Variants in ERC2 observed in about 807,000 individuals in gnomAD.
ERC2 encodes the protein ELKS/RAB6-interacting/CAST family member 2, also known as ERC protein 2.
In ERC2, 42 loss-of-function variants were observed where a neutral mutation model predicts 114.8. The observed-to-expected ratio is 0.37, with a 90% CI of 0.29 to 0.47. The LOEUF (loss-of-function observed/expected upper bound fraction) is 0.47, where lower values mean the gene tolerates loss of function less well. Among genes scored for constraint, ERC2 ranks in the 20% least tolerant of loss-of-function variants. The pLI is 0.99. For missense variants in ERC2, 939 were observed against 1,150.7 expected (o/e 0.82, Z 2.66); for synonymous variants, 454 against 425.5 (o/e 1.07, Z -0.82).
At chr3:55,603,799 C>T (rs373511265) in intron 17 of ERC2, among the ~76,000 whole-genome samples, 1 of 152,090 alleles carries the variant, frequency 6.6e-6, no homozygotes, top group Non-Finnish European at 1.5e-5. Flanking sequence ...CTGCTTTATA[C>T]ACAAATCACA....
intron 15 of ERC2, among the ~76,000 whole-genome samples, chr3:55,713,041 A>G (rs2063855561): frequency 6.7e-6 from 1 of 150,360 alleles, no homozygotes; most frequent in Admixed American, 6.6e-5. Context: ...TGCAATGCTA[A>G]TGCTCTAATT....
rs71096498 is a variant in ERC2 at position 55,729,837 on chromosome 3, C to CAAAAA, written c.2712+4929_2712+4933dup. ...AGGGTAATGCAGTGAGACTCTATCGCAAAAAAAAAAAAAAAAAAAAAAAAA... is the reference window on the plus strand; with the variant it reads ...AGGGTAATGCAGTGAGACTCTATCGCAAAAAAAAAAAAAAAAAAAAAAAAAAAAAA... On this transcript the variant is annotated intron_variant, in intron 15 of 17. Transcript: ENST00000288221. Among the ~76,000 whole-genome samples, 156 of 61,630 alleles carry CAAAAA rather than the reference C, an allele frequency of 2.5e-3. 42 individuals carry two copies. Among genetic ancestry groups the CAAAAA allele is most frequent in the Admixed American group, 3.7e-3 (13 of 3,524 alleles). The allele number at this position is 61,630 out of a possible 152,430, so 40.4% of individuals were successfully genotyped here. A position where few individuals can be genotyped will look rare whatever the true frequency, so the allele number is the denominator to read the frequency against.
intron 12 of ERC2, among the ~76,000 whole-genome samples, chr3:55,956,062 C>T (rs2067932895): frequency 6.6e-6 from 1 of 152,192 alleles, no homozygotes; most frequent in African/African-American, 2.4e-5. Context: ...CTCTTTCACT[C>T]TTAGCTTACA....
intron 14 of ERC2, among the ~76,000 whole-genome samples, chr3:55,817,615 G>A (rs2059954709): frequency 6.6e-6 from 1 of 152,264 alleles, no homozygotes; most frequent in Non-Finnish European, 1.5e-5. Flanking sequence ...GCACTAATGT[G>A]TAGGGGTTAT....
At chr3:55,628,431 T>C (rs1410842134) in intron 17 of ERC2, among the ~76,000 whole-genome samples, 3 of 152,258 alleles carry the variant, frequency 2.0e-5, no homozygotes, top group Non-Finnish European at 4.4e-5. Context: ...ATGATATACA[T>C]AGGGTCTTTT....
chr3:55,747,083 C>T (rs757750089), intron 14 of ERC2, among the ~76,000 whole-genome samples: 6 of 151,752 alleles, frequency 4.0e-5, no homozygotes, highest in Non-Finnish European at 8.8e-5. Context: ...AGAAAAGGTA[C>T]CAGAAAGAAT....
Position 56,208,151 on chromosome 3 carries a change from T to C in ERC2, c.1075-34631A>G, listed in dbSNP as rs919735233. ...AACTGACGCATCTTCAACCAGATTT[T>C]CCAATCATTCTTCCTGGGACATAAG... On this transcript the variant is annotated intron_variant, in intron 3 of 17. Transcript: ENST00000288221. Among the ~76,000 whole-genome samples, 7 of 152,188 alleles carry C rather than the reference T, an allele frequency of 4.6e-5. No individual in the cohort carries two copies. The South Asian group carries it at 1.2e-3, about 27-fold the overall frequency.
At chr3:56,116,493 T>A (rs569781529) in intron 6 of ERC2, among the ~76,000 whole-genome samples, 11 of 152,332 alleles carry the variant, frequency 7.2e-5, no homozygotes, top group South Asian at 2.1e-4. Flanking sequence ...AACAGGTGTA[T>A]GTGCATTGGG....
At chr3:55,738,917 C>T (rs1349524888) in intron 14 of ERC2, among the ~76,000 whole-genome samples, 1 of 152,142 alleles carries the variant, frequency 6.6e-6, no homozygotes, top group African/African-American at 2.4e-5. Flanking sequence ...ACTAGCCCAC[C>T]AACCCCTGAC....
chr3:56,301,029 A>G (rs1278372955), intron 2 of ERC2, among the ~76,000 whole-genome samples: 1 of 152,220 alleles, frequency 6.6e-6, no homozygotes, highest in East Asian at 1.9e-4. Flanking sequence ...ATGGGAGATC[A>G]CTTGAGGCCA....
chr3:55,811,998 C>T (rs887401003), intron 14 of ERC2, among the ~76,000 whole-genome samples: 4 of 152,168 alleles, frequency 2.6e-5, no homozygotes, highest in Non-Finnish European at 5.9e-5. Flanking sequence ...AGCTGCTCAT[C>T]CTGATGCTCT....
intron 3 of ERC2, among the ~76,000 whole-genome samples, chr3:56,219,185 A>G (rs1300100791): frequency 2.6e-5 from 4 of 152,186 alleles, no homozygotes; most frequent in Admixed American, 1.3e-4. Context: ...TACCGTGTAC[A>G]CTGCTTGGGT....
At chr3:55,630,361 G>A (rs1246112213) in intron 17 of ERC2, among the ~76,000 whole-genome samples, 1 of 152,042 alleles carries the variant, frequency 6.6e-6, no homozygotes, top group Non-Finnish European at 1.5e-5. Flanking sequence ...TAGAGACGGG[G>A]TTTCTCCATG....
chr3:56,028,794 C>T (rs748632580), intron 7 of ERC2, among the ~76,000 whole-genome samples: 1 of 151,970 alleles, frequency 6.6e-6, no homozygotes, highest in Non-Finnish European at 1.5e-5. Flanking sequence ...AAGGATGACA[C>T]TTTTTTCTTT....
At chr3:56,065,966 GAT>G (rs1465873485) in intron 7 of ERC2, among the ~76,000 whole-genome samples, 1 of 152,122 alleles carries the variant, frequency 6.6e-6, no homozygotes, top group Non-Finnish European at 1.5e-5. Flanking sequence ...CATTTGGGTT[GAT>G]TCCATGTCTT....
intron 16 of ERC2, among the ~76,000 whole-genome samples, chr3:55,686,897 G>C (rs2062363032): frequency 6.6e-6 from 1 of 152,196 alleles, no homozygotes; most frequent in African/African-American, 2.4e-5. Flanking sequence ...TCATCTGCAT[G>C]CTTTTGTTCA....
chr3:55,972,202 G>A (rs1295755656), intron 12 of ERC2, among the ~76,000 whole-genome samples: 4 of 152,096 alleles, frequency 2.6e-5, no homozygotes, highest in Non-Finnish European at 5.9e-5. Context: ...ACCATTCAAA[G>A]TTTAGTGAAA....
chr3:55,735,692 A>G (rs2148925335), intron 14 of ERC2, among the ~76,000 whole-genome samples: 2 of 152,264 alleles, frequency 1.3e-5, no homozygotes, highest in Middle Eastern at 6.8e-3. Context: ...CATTCAAACT[A>G]TAGCACCAAG....
chr3:56,314,821 C>T (rs2056787418), intron 2 of ERC2, among the ~76,000 whole-genome samples: 1 of 152,148 alleles, frequency 6.6e-6, no homozygotes, highest in Non-Finnish European at 1.5e-5. Context: ...TCTGAAGTCA[C>T]AACAGAAATG....
Sources: allele counts gnomAD v4.1 joint callset (sites outside exome capture counted in the v4.1 genomes callset), GRCh38; gene constraint gnomAD v4.1.1; transcripts MANE v1.5; gene names NCBI Gene and HGNC (gene_info 2026-07-23, HGNC 2026-07-21).